The following TNS3 variants were observed in gnomAD, a reference collection of about 807,000 sequenced individuals.
TNS3 encodes tensin-3.
In TNS3, 45 loss-of-function variants were observed where a neutral mutation model predicts 140.9. The observed-to-expected ratio is 0.32, with a 90% CI of 0.25 to 0.41. The LOEUF is 0.41. Ranked by LOEUF, TNS3 falls within the 10% of genes least tolerant of loss-of-function variation. TNS3 has a pLI of 1.00. For synonymous variants in TNS3, 815 were observed against 788.4 expected, an observed-to-expected ratio of 1.03 and a Z score of -0.56; for missense variants, 1,716 against 1,906.7, an observed-to-expected ratio of 0.90 and a Z score of 1.86.
chr7:47,304,762 C>A, intron 21 of TNS3, 70 bp downstream of exon 21: 1 of 1,308,124 alleles, frequency 7.6e-7, no homozygotes, highest in South Asian at 2.9e-5. Context: ...CCCCGCTGGT[C>A]CCACATGCCT....
chr7:47,350,115 A>C (rs1460850331), intron 17 of TNS3, among the ~76,000 whole-genome samples: 1 of 151,864 alleles, frequency 6.6e-6, no homozygotes, highest in Non-Finnish European at 1.5e-5. Context: ...CTTCCCTTCC[A>C]TCCCTTCCCA....
chr7:47,355,848 TGAG>T (rs1232742563), intron 17 of TNS3, among the ~76,000 whole-genome samples: 1 of 152,136 alleles, frequency 6.6e-6, no homozygotes, highest in Non-Finnish European at 1.5e-5. Context: ...TCCCAGGCCC[TGAG>T]GCTCTGCTGG....
chr7:47,328,364 T>A (rs1788146420), intron 20 of TNS3, among the ~76,000 whole-genome samples: 1 of 152,124 alleles, frequency 6.6e-6, no homozygotes. Flanking sequence ...TTCTTTTCAC[T>A]TTTTCCTCCC....
At chr7:47,545,724 GC>G (rs1187066618) in intron 1 of TNS3, among the ~76,000 whole-genome samples, 2 of 152,264 alleles carry the variant, frequency 1.3e-5, no homozygotes, top group East Asian at 3.9e-4. Context: ...GACCGAAAAT[GC>G]CCCAACATTG....
chr7:47,431,387 G>A (rs575716355), intron 8 of TNS3, among the ~76,000 whole-genome samples: 1 of 152,268 alleles, frequency 6.6e-6, no homozygotes, highest in Non-Finnish European at 1.5e-5. Flanking sequence ...GAGGTCAGGA[G>A]ATCAAGACCT....
rs755279119 is a variant in TNS3 at position 47,369,644 on chromosome 7, G to A, written c.1025-23C>T. On this transcript the variant is annotated intron_variant, in intron 16 of 30. Transcript: ENST00000311160. ...GCACTGCGGGGGAGAAAACCGGAGA[G>A]AGGCTTTCAGTCAGGGATGAAAGTG... 6.5e-6 allele frequency: 10 copies of A among 1,529,942 alleles called. No individual in the cohort carries two copies. The Admixed American group carries it at 1.0e-4, about 16-fold the overall frequency. The allele number at this position is 1,529,942 out of a possible 1,614,324, so 94.8% of individuals were successfully genotyped here.
rs370571504 is a variant in TNS3 at position 47,304,981 on chromosome 7, C to T, written c.2673G>A (p.Thr891=). The change falls in exon 21 of 31, where the codon ACG becomes ACA. Residue 891 remains threonine (T), a synonymous_variant. Transcript: ENST00000311160. Reference sequence around the variant, plus strand: ...CTGACATCCCCACAGCGTGAGTGAGCGTCTCAGGGCAGCTTCGTGGTTCTG... The same window carrying T: ...CTGACATCCCCACAGCGTGAGTGAGTGTCTCAGGGCAGCTTCGTGGTTCTG... ...GGREPRSCPE[T]LTHAVGMSES... 37 of 1,371,832 alleles carry T rather than the reference C, an allele frequency of 2.7e-5. No individual in the cohort carries two copies. Among genetic ancestry groups the T allele is most frequent in the African/African-American group, 8.9e-5 (6 of 67,168 alleles). The allele number at this position is 1,371,832 out of a possible 1,614,324, so 85.0% of individuals were successfully genotyped here. A position where few individuals can be genotyped will look rare whatever the true frequency, so the allele number is the denominator to read the frequency against.
rs150009816 is a variant in TNS3 at position 47,333,938 on chromosome 7, T to C, written c.2650+10817A>G. On this transcript the variant is annotated intron_variant, in intron 20 of 30. Coordinates refer to ENST00000311160, the MANE Select transcript of TNS3 (RefSeq NM_022748.12). ...ACCATGCATGGCACACACATTCTTA[T>C]TTTGCTTAGATTTAAATGATGCTTC... is the stretch of plus-strand genomic sequence containing the variant. Among the ~76,000 whole-genome samples, 451 of 152,288 alleles carry C rather than the reference T, an allele frequency of 3.0e-3. 2 individuals carry two copies. The highest frequency in any genetic ancestry group is 6.8e-3 in the Middle Eastern group (2 of 294).
intron 4 of TNS3, among the ~76,000 whole-genome samples, chr7:47,463,215 C>A (rs1796561476): frequency 6.6e-6 from 1 of 152,122 alleles, no homozygotes; most frequent in African/African-American, 2.4e-5. Context: ...GAGGCCTAGG[C>A]AGGTGGATCA....
At chr7:47,525,312 G>A (rs1438904817) in intron 2 of TNS3, among the ~76,000 whole-genome samples, 3 of 152,214 alleles carry the variant, frequency 2.0e-5, no homozygotes, top group Non-Finnish European at 2.9e-5. Context: ...CAGTAGATGG[G>A]CCACGGGGCC....
intron 1 of TNS3, among the ~76,000 whole-genome samples, chr7:47,568,293 G>T (rs1305205183): frequency 6.6e-6 from 1 of 152,202 alleles, no homozygotes; most frequent in Non-Finnish European, 1.5e-5. Flanking sequence ...TCACCTTCGA[G>T]ATGCAGCTGG....
At chr7:47,341,971 T>C (rs990143046) in intron 20 of TNS3, among the ~76,000 whole-genome samples, 3 of 152,150 alleles carry the variant, frequency 2.0e-5, no homozygotes, top group Non-Finnish European at 2.9e-5. Context: ...CTTTGACCCA[T>C]AGATTATTTA....
At chr7:47,314,050 A>T (rs980032351) in intron 20 of TNS3, among the ~76,000 whole-genome samples, 1 of 152,198 alleles carries the variant, frequency 6.6e-6, no homozygotes, top group Non-Finnish European at 1.5e-5. Context: ...TTTCTCCTGA[A>T]GGTCCTTGGT....
intron 17 of TNS3, among the ~76,000 whole-genome samples, chr7:47,361,185 C>A (rs1404718325): frequency 1.4e-5 from 1 of 73,872 alleles, no homozygotes; most frequent in African/African-American, 3.6e-5. Context: ...GCCTTCTCTT[C>A]TGGTAAGACA....
intron 4 of TNS3, among the ~76,000 whole-genome samples, chr7:47,464,310 C>G (rs1252915191): frequency 6.6e-6 from 1 of 152,180 alleles, no homozygotes; most frequent in Admixed American, 6.5e-5. Context: ...GCACGTACGA[C>G]AGAAGCCAAT....
At chr7:47,554,362 G>A (rs1268856242) in intron 1 of TNS3, among the ~76,000 whole-genome samples, 1 of 150,940 alleles carries the variant, frequency 6.6e-6, no homozygotes, top group African/African-American at 2.4e-5. Flanking sequence ...AGGTTGCAGT[G>A]AGCTGAGATT....
At chr7:47,563,957 G>A (rs1176649860) in intron 1 of TNS3, among the ~76,000 whole-genome samples, 1 of 152,120 alleles carries the variant, frequency 6.6e-6, no homozygotes, top group African/African-American at 2.4e-5. Flanking sequence ...ACTTTGGGAG[G>A]CCAAGATGGG....
At chr7:47,467,677 C>A (rs557007968) in intron 4 of TNS3, among the ~76,000 whole-genome samples, 1 of 152,274 alleles carries the variant, frequency 6.6e-6, no homozygotes, top group South Asian at 2.1e-4. Context: ...CTGAGGAAAC[C>A]GCCATGGTAC....
At chr7:47,298,286 G>A (rs1786170307) in intron 23 of TNS3, among the ~76,000 whole-genome samples, 1 of 152,218 alleles carries the variant, frequency 6.6e-6, no homozygotes, top group Non-Finnish European at 1.5e-5. Context: ...TTCCCCATGT[G>A]CCCGCCAACC....
Sources: gnomAD v4.1 joint callset for allele counts (sites outside exome capture counted in the v4.1 genomes callset) on GRCh38, gnomAD v4.1.1 for gene constraint, MANE v1.5 for transcripts, NCBI Gene and HGNC (gene_info 2026-07-23, HGNC 2026-07-21) for gene names.